TRDN: variants seen among roughly 807,000 people sequenced by gnomAD.
The protein encoded by TRDN is triadin, also known as triadin in skeletal muscle.
Under a neutral mutation model 149.7 loss-of-function variants are expected in TRDN, and 161 were observed. The observed-to-expected ratio is 1.08, with a 90% CI of 0.95 to 1.23. The LOEUF (loss-of-function observed/expected upper bound fraction) is 1.23. Among genes scored for constraint, TRDN ranks in the 50% most tolerant of loss-of-function variants. TRDN has a pLI of 0.00. For missense variants in TRDN, 896 were observed against 823.5 expected (o/e 1.09, Z -1.08); for synonymous variants, 294 against 250.5 (o/e 1.17, Z -1.64).
intron 2 of TRDN, among the ~76,000 whole-genome samples, chr6:123,555,049 T>C (rs1021381051): frequency 6.6e-6 from 1 of 152,150 alleles, no homozygotes; most frequent in Non-Finnish European, 1.5e-5. Context: ...GCATCAACAA[T>C]ACTAGGCACA....
chr6:123,438,134 AT>A lies in TRDN; in HGVS notation c.992-13del. 1 of 1,572,298 alleles carries A rather than the reference AT, an allele frequency of 6.4e-7. No homozygotes were observed. Among genetic ancestry groups the A allele is most frequent in the Non-Finnish European group, 8.6e-7 (1 of 1,160,206 alleles). On this transcript the variant is annotated splice_polypyrimidine_tract_variant and intron_variant, in intron 11 of 40. Transcript: ENST00000334268. ...GATATCTTCTTTTTCTGCTGGTAAA[AT>A]AAGAAAGTTATAAGCCTTTACCTGT...
At chr6:123,550,676 G>A (rs529485724) in intron 2 of TRDN, among the ~76,000 whole-genome samples, 20 of 151,976 alleles carry the variant, frequency 1.3e-4, no homozygotes, top group South Asian at 8.3e-4. Flanking sequence ...CATAGAGAGC[G>A]GAAAAATTAT....
intron 4 of TRDN, among the ~76,000 whole-genome samples, chr6:123,537,912 CAGAT>C (rs753465495): frequency 5.9e-5 from 9 of 152,146 alleles, no homozygotes; most frequent in Non-Finnish European, 1.0e-4. Context: ...GTTGAGTAGA[CAGAT>C]AGTTTGTAAT....
intron 2 of TRDN, among the ~76,000 whole-genome samples, chr6:123,558,595 G>T (rs879796871): frequency 1.4e-4 from 21 of 152,028 alleles, no homozygotes; most frequent in Admixed American, 5.9e-4. Context: ...ATGCTTTACA[G>T]CCCTATACCC....
intron 20 of TRDN, among the ~76,000 whole-genome samples, chr6:123,360,652 A>G (rs1200086842): frequency 6.6e-6 from 1 of 152,024 alleles, no homozygotes; most frequent in Admixed American, 6.6e-5. Flanking sequence ...TCCAGCATTC[A>G]GAAAGCTGGC....
chr6:123,413,468 C>G (rs1486567411), intron 12 of TRDN, among the ~76,000 whole-genome samples: 1 of 152,146 alleles, frequency 6.6e-6, no homozygotes, highest in Admixed American at 6.5e-5. Flanking sequence ...AATGGTGTTT[C>G]TAAAGGGTGT....
chr6:123,630,966 T>G (rs536471427), intron 1 of TRDN, among the ~76,000 whole-genome samples: 1 of 152,100 alleles, frequency 6.6e-6, no homozygotes, highest in East Asian at 1.9e-4. Flanking sequence ...GTGGAGATAG[T>G]GCCTGAACCC....
chr6:123,227,553 A>C (rs1775423808), intron 38 of TRDN, among the ~76,000 whole-genome samples: 1 of 151,918 alleles, frequency 6.6e-6, no homozygotes, highest in Non-Finnish European at 1.5e-5. Context: ...TAGAAGTGAT[A>C]TGCATCAAGT....
intron 9 of TRDN, chr6:123,471,609 A>G (rs1209436108): frequency 6.6e-6 from 1 of 152,182 alleles, no homozygotes; most frequent in African/African-American, 2.4e-5. Context: ...AAATGTTTCC[A>G]CTGGAACGGT....
intron 2 of TRDN, among the ~76,000 whole-genome samples, chr6:123,551,963 A>G (rs1562382650): frequency 6.6e-6 from 1 of 152,120 alleles, no homozygotes; most frequent in African/African-American, 2.4e-5. Flanking sequence ...CAGCTGCTTC[A>G]GTCATCTTGT....
chr6:123,350,915 C>T (rs923135286), intron 21 of TRDN: 4 of 984,618 alleles, frequency 4.1e-6, no homozygotes, highest in Non-Finnish European at 4.8e-6. Flanking sequence ...TCTCTAAGAA[C>T]CATTTCCAGT....
At chr6:123,249,085 T>C (rs545577267) in intron 38 of TRDN, among the ~76,000 whole-genome samples, 30 of 152,208 alleles carry the variant, frequency 2.0e-4, no homozygotes, top group African/African-American at 7.2e-4. Context: ...ATAAACCTGA[T>C]ACATCACATC....
intron 10 of TRDN, among the ~76,000 whole-genome samples, chr6:123,447,198 C>T (rs998408596): frequency 6.6e-6 from 1 of 151,984 alleles, no homozygotes; most frequent in Admixed American, 6.5e-5. Context: ...AAACAACTAA[C>T]AAGCAGCAAT....
chr6:123,252,362 T>C (rs761314082), intron 38 of TRDN, 50 bp downstream of exon 38: 2 of 1,169,702 alleles, frequency 1.7e-6, no homozygotes, highest in East Asian at 5.0e-5. Context: ...CATCTTAAAA[T>C]TGATACTATG....
intron 1 of TRDN, among the ~76,000 whole-genome samples, chr6:123,623,746 A>G (rs1034465119): frequency 3.3e-5 from 5 of 152,170 alleles, no homozygotes; most frequent in African/African-American, 1.2e-4. Flanking sequence ...AACATTCTTC[A>G]AATGTTAACA....
At chr6:123,355,273 T>G (rs570860172) in intron 20 of TRDN, among the ~76,000 whole-genome samples, 9 of 151,834 alleles carry the variant, frequency 5.9e-5, no homozygotes, top group African/African-American at 2.2e-4. Context: ...GTTTCAATGA[T>G]AATTAAATTC....
intron 1 of TRDN, among the ~76,000 whole-genome samples, chr6:123,618,282 G>T (rs1008056101): frequency 5.3e-5 from 8 of 152,054 alleles, no homozygotes; most frequent in Admixed American, 3.3e-4. Flanking sequence ...CCTTTCTGGG[G>T]CCTCTAGAGA....
At chr6:123,245,955 A>T (rs1457080264) in intron 38 of TRDN, among the ~76,000 whole-genome samples, 1 of 152,182 alleles carries the variant, frequency 6.6e-6, no homozygotes, top group Non-Finnish European at 1.5e-5. Context: ...GCAAAACTAC[A>T]TGGAAACTGA....
chr6:123,412,274 C>T (rs1305324251), intron 12 of TRDN, among the ~76,000 whole-genome samples: 1 of 152,116 alleles, frequency 6.6e-6, no homozygotes, highest in Admixed American at 6.6e-5. Flanking sequence ...CTGGGGAGAA[C>T]ATGGTAAATT....
Sources: allele counts gnomAD v4.1 joint callset (sites outside exome capture counted in the v4.1 genomes callset), GRCh38; gene constraint gnomAD v4.1.1; transcripts MANE v1.5; gene names NCBI Gene and HGNC (gene_info 2026-07-23, HGNC 2026-07-21).